The following SLC9B1 variants were observed in gnomAD, a reference collection of about 807,000 sequenced individuals.
SLC9B1 encodes the protein sodium/hydrogen exchanger 9B1.
SLC9B1 carries 32 observed loss-of-function variants against 51.7 expected under a neutral mutation model. The observed-to-expected ratio is 0.62, with a 90% CI of 0.47 to 0.83. The LOEUF (loss-of-function observed/expected upper bound fraction) is 0.83, where lower values mean the gene tolerates loss of function less well. Ranked by LOEUF, SLC9B1 falls within the 40% of genes least tolerant of loss-of-function variation. SLC9B1 has a pLI of 0.00. For missense variants in SLC9B1, 406 were observed against 613.2 expected, an observed-to-expected ratio of 0.66 and a Z score of 3.57; for synonymous variants, 145 against 212.7, an observed-to-expected ratio of 0.68 and a Z score of 2.77.
Position 103,019,630 on chromosome 4 carries a change from GGGAGCGGCCCA to G in SLC9B1, c.-44_-34del, listed in dbSNP as rs1002711660. 17 of 985,370 alleles carry G rather than the reference GGGAGCGGCCCA, an allele frequency of 1.7e-5. No homozygotes were observed. In the African/African-American group the frequency reaches 2.8e-4, roughly 16 times the overall value. 61.0% of individuals were successfully genotyped at this position (985,370 alleles called of 1,614,324 possible). ...CTTCTTTCGCAGCCCTCGCTGGCCC[GGGAGCGGCCCA>G]GGAGCCCAGTGACCGTTGCGTAAGC... On this transcript the variant is annotated 5_prime_UTR_variant, in exon 1 of 12. Transcript: ENST00000296422.
At chr4:102,936,578 C>A (rs557948305) in intron 6 of SLC9B1, among the ~76,000 whole-genome samples, 2 of 152,284 alleles carry the variant, frequency 1.3e-5, no homozygotes, top group African/African-American at 4.8e-5. Flanking sequence ...ACTGATAGAG[C>A]TGAAAAATGC....
chr4:102,889,150 TGTA>T (rs1307088751), intron 11 of SLC9B1: 2 of 152,232 alleles, frequency 1.3e-5, no homozygotes, highest in Non-Finnish European at 2.9e-5. Flanking sequence ...GAGTTAGAAA[TGTA>T]GTCTGGTTTT....
chr4:103,000,186 T>G (rs1578411927), intron 1 of SLC9B1, among the ~76,000 whole-genome samples: 1 of 152,160 alleles, frequency 6.6e-6, no homozygotes, highest in Non-Finnish European at 1.5e-5. Flanking sequence ...GAGATTTGGG[T>G]GGAGACACAG....
intron 1 of SLC9B1, among the ~76,000 whole-genome samples, chr4:102,992,007 T>G (rs557955579): frequency 1.3e-4 from 20 of 152,240 alleles, no homozygotes; most frequent in African/African-American, 4.6e-4. Context: ...ATGCAGAAAT[T>G]TATTTTATGC....
Position 102,943,506 on chromosome 4 carries a change from T to TACACACACACACACACAC in SLC9B1, c.653+1669_653+1686dup, listed in dbSNP as rs373442152. On this transcript the variant is annotated intron_variant, in intron 6 of 11. Transcript: ENST00000296422. ...ATCTATGTGTATATATGTGTATGTA[T>TACACACACACACACACAC]ACACACACACACACACACACACACA... Among the ~76,000 whole-genome samples, 633 of 145,562 alleles carry TACACACACACACACACAC rather than the reference T, an allele frequency of 4.3e-3. 3 individuals carry two copies. The highest frequency in any genetic ancestry group is 0.014 in the Middle Eastern group (4 of 290).
chr4:102,991,597 A>T, intron 2 of SLC9B1, 46 bp downstream of exon 2: 1 of 1,216,710 alleles, frequency 8.2e-7, no homozygotes. Context: ...TTTTAAGATC[A>T]GGTTGATTTT....
chr4:102,950,017 C>T (rs1292892926), intron 3 of SLC9B1, among the ~76,000 whole-genome samples: 2 of 151,860 alleles, frequency 1.3e-5, no homozygotes, highest in African/African-American at 4.8e-5. Flanking sequence ...AAATGCTAAC[C>T]ATTATAATAT....
chr4:102,973,174 A>G (rs1015926632), intron 3 of SLC9B1, among the ~76,000 whole-genome samples: 1 of 152,200 alleles, frequency 6.6e-6, no homozygotes, highest in Non-Finnish European at 1.5e-5. Flanking sequence ...TGAAGACTGG[A>G]TTAAAAACAT....
At chr4:102,995,442 T>C (rs1055410790) in intron 1 of SLC9B1, among the ~76,000 whole-genome samples, 1 of 152,058 alleles carries the variant, frequency 6.6e-6, no homozygotes, top group Non-Finnish European at 1.5e-5. Flanking sequence ...AATGGAGACA[T>C]CAAGCGACTA....
chr4:102,981,009 C>T (rs912304512), intron 3 of SLC9B1, among the ~76,000 whole-genome samples: 9 of 152,294 alleles, frequency 5.9e-5, no homozygotes, highest in South Asian at 2.1e-4. Flanking sequence ...TCATCCCTCC[C>T]TCCTCTCAAT....
At chr4:102,936,030 G>A (rs928454995) in intron 6 of SLC9B1, among the ~76,000 whole-genome samples, 2 of 152,080 alleles carry the variant, frequency 1.3e-5, no homozygotes, top group Non-Finnish European at 2.9e-5. Flanking sequence ...CCCCATCAGA[G>A]TGTTGTTGCC....
chr4:102,916,295 C>A lies in SLC9B1; in HGVS notation c.830-4758G>T, dbSNP rs1381092577. On this transcript the variant is annotated intron_variant, in intron 7 of 11. Coordinates refer to ENST00000296422, the MANE Select transcript of SLC9B1 (RefSeq NM_139173.4). ...CCAAAAGAGAACAACGATGGCCATA[C>A]TTAGACAAAATAGAGTTTAAGTCAA... is the stretch of plus-strand genomic sequence containing the variant. Among the ~76,000 whole-genome samples the A allele has an allele frequency of 4.6e-5, 7 of 152,228 alleles. No individual in the cohort carries two copies. In the East Asian group the frequency reaches 1.3e-3, roughly 29 times the overall value.
At chr4:102,975,543 A>G (rs1465811119) in intron 3 of SLC9B1, among the ~76,000 whole-genome samples, 1 of 144,876 alleles carries the variant, frequency 6.9e-6, no homozygotes, top group South Asian at 2.1e-4. Context: ...AGCTTCAACT[A>G]TATCTATAAT....
chr4:102,964,141 A>G (rs1738294139), intron 3 of SLC9B1, among the ~76,000 whole-genome samples: 1 of 152,078 alleles, frequency 6.6e-6, no homozygotes, highest in Non-Finnish European at 1.5e-5. Flanking sequence ...CCCTACCCTT[A>G]AAAGGATGTT....
chr4:102,899,952 T>C (rs961255961), downstream of SLC9B1, among the ~76,000 whole-genome samples: 13 of 152,214 alleles, frequency 8.5e-5, no homozygotes, highest in African/African-American at 1.4e-4. Context: ...CCAGAAGGTT[T>C]TAGAACTTCT....
At chr4:102,898,885 G>A (rs1293712697), downstream of SLC9B1, among the ~76,000 whole-genome samples, 5 of 152,012 alleles carry the variant, frequency 3.3e-5, no homozygotes, top group South Asian at 4.1e-4. Flanking sequence ...CTGCCACCAC[G>A]CCTGGCTAGT....
exon 12 of SLC9B1, chr4:102,885,235 A>G (rs1420325760): frequency 1.9e-6 from 3 of 1,614,070 alleles, no homozygotes; most frequent in Admixed American, 1.7e-5. Flanking sequence ...GGCTTCGGTT[A>G]TTGCCTTTCC....
chr4:102,991,967 G>A (rs1739965609), intron 1 of SLC9B1, among the ~76,000 whole-genome samples: 1 of 151,988 alleles, frequency 6.6e-6, no homozygotes, highest in South Asian at 2.1e-4. Context: ...TCATAATGCT[G>A]GCCCATATCA....
intron 3 of SLC9B1, among the ~76,000 whole-genome samples, chr4:102,978,852 A>C (rs1232199157): frequency 6.6e-6 from 1 of 152,226 alleles, no homozygotes; most frequent in Non-Finnish European, 1.5e-5. Context: ...TCTTATTTTT[A>C]GGATAATACT....
Sources: allele counts gnomAD v4.1 joint callset (sites outside exome capture counted in the v4.1 genomes callset), GRCh38; gene constraint gnomAD v4.1.1; transcripts MANE v1.5; gene names NCBI Gene and HGNC (gene_info 2026-07-23, HGNC 2026-07-21).